The following GRIK2 variants were observed in gnomAD, a reference collection of about 807,000 sequenced individuals.
GRIK2 encodes the protein glutamate ionotropic receptor kainate type subunit 2, also known as glutamate receptor ionotropic, kainate 2.
A neutral mutation model predicts 100.3 loss-of-function variants in GRIK2; 32 were observed. The ratio of observed to expected loss-of-function variants is 0.32; its 90% CI spans 0.24 to 0.43. The LOEUF is 0.43. Among genes scored for constraint, GRIK2 ranks in the 20% least tolerant of loss-of-function variants. The pLI is 1.00. For synonymous variants in GRIK2, 417 were observed against 389.4 expected (o/e 1.07, Z -0.83); for missense variants, 843 against 1,114.9 (o/e 0.76, Z 3.47).
chr6:102,065,715 A>G (rs948058388), intron 16 of GRIK2: 2 of 795,600 alleles, frequency 2.5e-6, no homozygotes, highest in African/African-American at 3.6e-5. Flanking sequence ...TACACGTCCT[A>G]TAACAATTTT....
intron 14 of GRIK2, among the ~76,000 whole-genome samples, chr6:101,982,987 G>T (rs1405224075): frequency 6.6e-6 from 1 of 151,734 alleles, no homozygotes; most frequent in Admixed American, 6.6e-5. Flanking sequence ...GGAAAAACAT[G>T]CCTAAAAGAT....
At chr6:101,749,234 G>A (rs759526376) in intron 7 of GRIK2, among the ~76,000 whole-genome samples, 3 of 151,810 alleles carry the variant, frequency 2.0e-5, no homozygotes, top group Admixed American at 6.6e-5. Context: ...TCAGCCTCCC[G>A]AGTAACTGGG....
At chr6:101,780,513 G>A (rs1472609128) in intron 7 of GRIK2, among the ~76,000 whole-genome samples, 4 of 152,136 alleles carry the variant, frequency 2.6e-5, no homozygotes, top group Non-Finnish European at 4.4e-5. Context: ...ATGAGATAAT[G>A]CATGTAAAGA....
At chr6:101,796,931 C>T (rs1780344855) in intron 7 of GRIK2, among the ~76,000 whole-genome samples, 1 of 152,064 alleles carries the variant, frequency 6.6e-6, no homozygotes, top group Non-Finnish European at 1.5e-5. Context: ...TTAGCAACTA[C>T]TGTGTCCTGA....
At chr6:101,508,339 C>T (rs1582606146) in intron 2 of GRIK2, among the ~76,000 whole-genome samples, 1 of 152,150 alleles carries the variant, frequency 6.6e-6, no homozygotes, top group East Asian at 1.9e-4. Context: ...TCAGTGAAAA[C>T]AAGAGGATAA....
chr6:102,011,577 C>CTTTTTTTTTTTTTTT (rs763369559), intron 14 of GRIK2, among the ~76,000 whole-genome samples: 2 of 76,650 alleles, frequency 2.6e-5, no homozygotes, highest in South Asian at 4.8e-4. Flanking sequence ...CTTTCTTTTC[C>CTTTTTTTTTTTTTTT]TTTTTTTTTT....
At chr6:101,576,503 A>G (rs1204134461) in intron 2 of GRIK2, among the ~76,000 whole-genome samples, 1 of 152,016 alleles carries the variant, frequency 6.6e-6, no homozygotes, top group South Asian at 2.1e-4. Flanking sequence ...TACTATTTAT[A>G]TTATGTAAGT....
intron 4 of GRIK2, among the ~76,000 whole-genome samples, chr6:101,627,181 G>A (rs1044552030): frequency 8.6e-5 from 13 of 150,682 alleles, no homozygotes; most frequent in African/African-American, 2.4e-4. Context: ...TCACTCTGTC[G>A]CCCAGGCTGG....
chr6:101,860,265 G>C (rs911688425), intron 11 of GRIK2, among the ~76,000 whole-genome samples: 1 of 152,090 alleles, frequency 6.6e-6, no homozygotes, highest in African/African-American at 2.4e-5. Context: ...ATGCACGGTG[G>C]CCATTCAGAC....
At chr6:101,672,768 A>G (rs1770536251) in intron 4 of GRIK2, among the ~76,000 whole-genome samples, 1 of 152,100 alleles carries the variant, frequency 6.6e-6, no homozygotes, top group African/African-American at 2.4e-5. Flanking sequence ...GTTGTTGCAA[A>G]GGCCATGGTC....
At chr6:101,791,225 T>G (rs1162138296) in intron 7 of GRIK2, among the ~76,000 whole-genome samples, 1 of 152,218 alleles carries the variant, frequency 6.6e-6, no homozygotes, top group Admixed American at 6.5e-5. Context: ...TGCTCTGATT[T>G]TAGTTGTTTC....
chr6:101,513,967 T>C (rs1048252987), intron 2 of GRIK2, among the ~76,000 whole-genome samples: 4 of 152,096 alleles, frequency 2.6e-5, no homozygotes, highest in Admixed American at 2.6e-4. Context: ...TCAAAAAATT[T>C]GTTCTTTGGA....
chr6:101,837,321 T>C (rs1582344824), intron 10 of GRIK2, among the ~76,000 whole-genome samples: 1 of 152,144 alleles, frequency 6.6e-6, no homozygotes, highest in Non-Finnish European at 1.5e-5. Context: ...AGATCTAAGC[T>C]ACAACATGAT....
At chr6:101,792,860 T>G (rs1779982838) in intron 7 of GRIK2, among the ~76,000 whole-genome samples, 1 of 152,122 alleles carries the variant, frequency 6.6e-6, no homozygotes, top group South Asian at 2.1e-4. Context: ...AGATGTAGAT[T>G]TGGTCTTTTC....
At chr6:101,867,779 A>AT (rs984989165) in intron 11 of GRIK2, among the ~76,000 whole-genome samples, 29 of 150,348 alleles carry the variant, frequency 1.9e-4, no homozygotes, top group Admixed American at 5.3e-4. Flanking sequence ...TTAAATTTAA[A>AT]TTTTTTTTTG....
chr6:101,514,998 C>T (rs1308213461), intron 2 of GRIK2, among the ~76,000 whole-genome samples: 1 of 151,920 alleles, frequency 6.6e-6, no homozygotes, highest in African/African-American at 2.4e-5. Flanking sequence ...CACCCATCAC[C>T]CAAACAGTAT....
intron 2 of GRIK2, among the ~76,000 whole-genome samples, chr6:101,549,833 A>G (rs1438130748): frequency 6.6e-6 from 1 of 152,162 alleles, no homozygotes; most frequent in Non-Finnish European, 1.5e-5. Flanking sequence ...TCTCACAACA[A>G]TCCAGTGAAG....
At chr6:102,040,993 T>C (rs1770535059) in intron 15 of GRIK2, among the ~76,000 whole-genome samples, 1 of 151,644 alleles carries the variant, frequency 6.6e-6, no homozygotes, top group African/African-American at 2.4e-5. Context: ...CTAATAATTT[T>C]CAGAGACTGA....
chr6:101,680,925 A>C (rs1771196680), intron 5 of GRIK2, among the ~76,000 whole-genome samples: 1 of 152,082 alleles, frequency 6.6e-6, no homozygotes, highest in African/African-American at 2.4e-5. Context: ...TTGATACCTA[A>C]ATTTCCTGTG....
Sources: gnomAD v4.1 joint callset for allele counts (sites outside exome capture counted in the v4.1 genomes callset) on GRCh38, gnomAD v4.1.1 for gene constraint, MANE v1.5 for transcripts, NCBI Gene and HGNC (gene_info 2026-07-23, HGNC 2026-07-21) for gene names.